The following NUDCD3 variants were observed in gnomAD, a reference collection of about 807,000 sequenced individuals.
NUDCD3 encodes the protein NudC domain containing 3, also known as nudC domain-containing protein 3.
Under a neutral mutation model 39.7 loss-of-function variants are expected in NUDCD3, and 13 were observed. The observed-to-expected ratio is 0.33, with a 90% CI of 0.21 to 0.52. The LOEUF is 0.52. Among genes scored for constraint, NUDCD3 ranks in the 20% least tolerant of loss-of-function variants. The pLI, the probability that NUDCD3 is intolerant of heterozygous loss-of-function variation, is 0.96. For missense variants in NUDCD3, 453 were observed against 458.1 expected (o/e 0.99, Z 0.10); for synonymous variants, 175 against 172.4 (o/e 1.02, Z -0.12).
chr7:44,465,096 G>A (rs1299180997), intron 2 of NUDCD3, among the ~76,000 whole-genome samples: 4 of 152,200 alleles, frequency 2.6e-5, no homozygotes, highest in Non-Finnish European at 5.9e-5. Flanking sequence ...TCCGCCCTGT[G>A]CCCTAGACCC....
At chr7:44,479,344 A>C (rs1800442048) in intron 2 of NUDCD3, among the ~76,000 whole-genome samples, 1 of 152,250 alleles carries the variant, frequency 6.6e-6, no homozygotes, top group African/African-American at 2.4e-5. Context: ...CTTTACTAAA[A>C]CACAAAACAA....
chr7:44,410,068 C>T (rs188092990), intron 3 of NUDCD3, among the ~76,000 whole-genome samples: 2 of 152,176 alleles, frequency 1.3e-5, no homozygotes, highest in East Asian at 3.9e-4. Context: ...AGCATACCAA[C>T]ATACAGAAGA....
At chr7:44,455,689 T>C (rs1799878464) in intron 2 of NUDCD3, among the ~76,000 whole-genome samples, 1 of 152,128 alleles carries the variant, frequency 6.6e-6, no homozygotes, top group African/African-American at 2.4e-5. Context: ...TAAGAGCACA[T>C]AAGAGCATGT....
intron 2 of NUDCD3, among the ~76,000 whole-genome samples, chr7:44,434,379 A>T (rs1180163938): frequency 6.6e-6 from 1 of 152,088 alleles, no homozygotes; most frequent in Non-Finnish European, 1.5e-5. Flanking sequence ...TTCCACACAG[A>T]CAAGCACCTC....
chr7:44,426,057 A>G, intron 3 of NUDCD3: 3 of 884,718 alleles, frequency 3.4e-6, no homozygotes, highest in African/African-American at 1.8e-5. Context: ...AGAGCCCCAC[A>G]GCACACAGGC....
chr7:44,469,505 C>T (rs1800208012), intron 2 of NUDCD3, among the ~76,000 whole-genome samples: 1 of 152,142 alleles, frequency 6.6e-6, no homozygotes, highest in South Asian at 2.1e-4. Context: ...CAAGAATAAT[C>T]AGTGGTTGCT....
chr7:44,395,059 T>A (rs1302290489), intron 4 of NUDCD3, among the ~76,000 whole-genome samples: 1 of 152,234 alleles, frequency 6.6e-6, no homozygotes, highest in Admixed American at 6.5e-5. Context: ...CACTTTTTCA[T>A]CAGAAATACT....
intron 2 of NUDCD3, among the ~76,000 whole-genome samples, chr7:44,473,607 A>G (rs1225779790): frequency 2.0e-5 from 3 of 152,322 alleles, no homozygotes; most frequent in Admixed American, 6.5e-5. Context: ...TATAGTAGGG[A>G]AAATATATAC....
chr7:44,466,847 G>T (rs1009386835), intron 2 of NUDCD3, among the ~76,000 whole-genome samples: 1 of 152,202 alleles, frequency 6.6e-6, no homozygotes, highest in African/African-American at 2.4e-5. Context: ...AAACACCCCC[G>T]CTTCCCATGA....
At position 44,382,385 on chromosome 7, in the gene NUDCD3, T is replaced by C. The variant is rs1309044186; in HGVS notation, c.*3626A>G. ...TCCATATTAGTGTGAGCTGGGTGAG[T>C]AGTTTAGTCTGAAATGACAGAATAT... On this transcript the variant is annotated 3_prime_UTR_variant, in exon 6 of 6. Transcript: ENST00000355451. 2.6e-5 allele frequency: 4 copies of C among 151,548 alleles called. No homozygotes were observed. The allele number at this position is 151,548 out of a possible 1,614,324, so 9.4% of individuals were successfully genotyped here. A position where few individuals can be genotyped will look rare whatever the true frequency, so the allele number is the denominator to read the frequency against.
At chr7:44,471,261 T>C (rs924224123) in intron 2 of NUDCD3, among the ~76,000 whole-genome samples, 1 of 152,248 alleles carries the variant, frequency 6.6e-6, no homozygotes, top group African/African-American at 2.4e-5. Context: ...CTTTAAATCA[T>C]CTTTAGCTTT....
In NUDCD3 at chr7:44,381,726, G is replaced by A. The variant is rs1305894176; in HGVS notation, c.*4285C>T. 1 of 152,266 alleles carries A rather than the reference G, an allele frequency of 6.6e-6. No individual in the cohort carries two copies. Among genetic ancestry groups the A allele is most frequent in the East Asian group, 1.9e-4 (1 of 5,196 alleles). 9.4% of individuals were successfully genotyped at this position (152,266 alleles called of 1,614,324 possible). On this transcript the variant is annotated 3_prime_UTR_variant, in exon 6 of 6. Coordinates refer to ENST00000355451, the MANE Select transcript of NUDCD3 (RefSeq NM_015332.4). Reference sequence around the variant, plus strand: ...ATAGCCTCAGCCCTGCCTGACAGGAGGCGGCATACACCTGAGCGCCTGACA... The same window carrying A: ...ATAGCCTCAGCCCTGCCTGACAGGAAGCGGCATACACCTGAGCGCCTGACA...
intron 2 of NUDCD3, among the ~76,000 whole-genome samples, chr7:44,429,480 C>A (rs1412675298): frequency 6.6e-6 from 1 of 152,108 alleles, no homozygotes; most frequent in Non-Finnish European, 1.5e-5. Context: ...AAGATCTTCC[C>A]CTAAGACCTT....
At chr7:44,474,226 T>C (rs1262625142) in intron 2 of NUDCD3, among the ~76,000 whole-genome samples, 1 of 151,832 alleles carries the variant, frequency 6.6e-6, no homozygotes, top group South Asian at 2.1e-4. Context: ...AGAACTATTA[T>C]TATAGAAAAA....
chr7:44,419,189 T>A (rs1799088999), intron 3 of NUDCD3, among the ~76,000 whole-genome samples: 1 of 152,002 alleles, frequency 6.6e-6, no homozygotes. Flanking sequence ...AGTAGGTGGT[T>A]TTCCCCTAAC....
rs748202617 is a variant in NUDCD3, at chr7:44,392,369, T to C, written c.903A>G (p.Glu301=). 8.1e-6 allele frequency: 13 copies of C among 1,614,202 alleles called. No homozygotes were observed. In the South Asian group the frequency reaches 1.4e-4, roughly 18 times the overall value. The change falls in exon 5 of 6, where the codon GAA becomes GAG. Residue 301 remains glutamate (E), a synonymous_variant. Coordinates refer to ENST00000355451, the MANE Select transcript of NUDCD3 (RefSeq NM_015332.4). ...AGGTAAGCCTGTCCAACACCGCCTG[T>C]TCCTCCTCATCCACGGTGGCCATGG... ...ERSMATVDEE[E]QAVLDRLTFD...
intron 2 of NUDCD3, among the ~76,000 whole-genome samples, chr7:44,435,208 T>C (rs570468928): frequency 1.3e-5 from 2 of 152,312 alleles, no homozygotes; most frequent in East Asian, 3.9e-4. Context: ...GGTCTTGCAA[T>C]GACAGTAGCC....
Position 44,427,667 on chromosome 7 carries a change from G to GT in NUDCD3, c.545dup (p.Tyr182Ter). 1.2e-6 allele frequency: 2 copies of GT among 1,613,564 alleles called. No homozygotes were observed. The highest frequency in any genetic ancestry group is 1.7e-6 in the Non-Finnish European group (2 of 1,179,790). ...TGTAGTTCTCTCGGACAGCACCATT[G>GT]TAACTGTCGGGATTTTTCTGGAACT... ...QEQFQKNPDS[Y>*]NGAVRENYTW... is the part of the protein sequence containing the mutation. Residue 182 changes from tyrosine (Y) to a stop codon, truncating the protein, a stop_gained and frameshift_variant, in exon 3 of 6, where the codon TAC becomes TAAC. Coordinates refer to ENST00000355451, the MANE Select transcript of NUDCD3 (RefSeq NM_015332.4). LOFTEE classifies it high-confidence loss of function.
intron 2 of NUDCD3, among the ~76,000 whole-genome samples, chr7:44,449,035 AG>A (rs1799738940): frequency 6.6e-6 from 1 of 152,214 alleles, no homozygotes; most frequent in African/African-American, 2.4e-5. Flanking sequence ...GACCAAACAC[AG>A]GGAGTGGTAG....
Sources: allele counts gnomAD v4.1 joint callset (sites outside exome capture counted in the v4.1 genomes callset), GRCh38; gene constraint gnomAD v4.1.1; transcripts MANE v1.5; gene names NCBI Gene and HGNC (gene_info 2026-07-23, HGNC 2026-07-21).